RASEF: variants seen among roughly 807,000 people sequenced by gnomAD.
RASEF encodes the protein ras and EF-hand domain-containing protein.
A neutral mutation model predicts 90.1 loss-of-function variants in RASEF; 68 were observed. The observed-to-expected ratio is 0.75, with a 90% CI of 0.62 to 0.92. RASEF has a LOEUF of 0.92. Ranked by LOEUF, RASEF falls within the 40% of genes least tolerant of loss-of-function variation. The probability of loss-of-function intolerance (pLI) is 0.00; values close to 1 mark genes in which losing one functional copy is unlikely to be tolerated. For synonymous variants in RASEF, 331 were observed against 345.2 expected, an observed-to-expected ratio of 0.96 and a Z score of 0.46; for missense variants, 949 against 937.2, an observed-to-expected ratio of 1.01 and a Z score of -0.16.
the RASEF span, among the ~76,000 whole-genome samples, chr9:83,073,268 C>G: frequency 6.6e-6 from 1 of 152,100 alleles, no homozygotes; most frequent in Non-Finnish European, 1.5e-5. Context: ...ATAAACAATG[C>G]ATGGTAGAAT....
In RASEF at chr9:82,992,893, T is replaced by A. The variant is rs529346655; in HGVS notation, c.2040+13A>T. 4 of 1,613,108 alleles carry A rather than the reference T, an allele frequency of 2.5e-6. No individual in the cohort carries two copies. In the South Asian group the frequency reaches 4.4e-5, roughly 18 times the overall value. On this transcript the variant is annotated intron_variant, in intron 15 of 16. Transcript: ENST00000376447. ...CATGTTCTCTTCTAATTCTGAGGCA[T>A]CCTCACTCTTACCATGGCCAGTTTC...
At chr9:83,137,830 A>G in the RASEF span, among the ~76,000 whole-genome samples, 7 of 151,774 alleles carry the variant, frequency 4.6e-5, no homozygotes, top group Non-Finnish European at 8.8e-5. Context: ...GTAAATGCTC[A>G]GAGGCAGGAG....
At chr9:83,198,291 A>C in the RASEF span, among the ~76,000 whole-genome samples, 30 of 152,320 alleles carry the variant, frequency 2.0e-4, 1 homozygote, top group East Asian at 3.1e-3. Flanking sequence ...ACAACCTACC[A>C]TACAATTTAG....
the RASEF span, among the ~76,000 whole-genome samples, chr9:83,191,850 C>T: frequency 2.0e-5 from 3 of 152,130 alleles, no homozygotes; most frequent in East Asian, 5.8e-4. Context: ...TATACAGGAA[C>T]TTTCTGTAGT....
At chr9:82,998,190 C>T (rs111853143) in intron 13 of RASEF, among the ~76,000 whole-genome samples, 175 bp downstream of exon 13, 83 of 151,982 alleles carry the variant, frequency 5.5e-4, no homozygotes, top group African/African-American at 1.6e-3. Context: ...AGGAGATGTG[C>T]GAGAATATAA....
chr9:83,040,882 CAG>C (rs1303628006), intron 1 of RASEF, among the ~76,000 whole-genome samples: 1 of 152,134 alleles, frequency 6.6e-6, no homozygotes, highest in African/African-American at 2.4e-5. Context: ...TTTTTTGAGA[CAG>C]AGTTTCACTC....
At chr9:83,114,206 C>T in the RASEF span, among the ~76,000 whole-genome samples, 4 of 152,124 alleles carry the variant, frequency 2.6e-5, no homozygotes, top group Non-Finnish European at 4.4e-5. Flanking sequence ...TAATTTCTTA[C>T]GCCTGTCTTT....
At chr9:83,093,657 C>T in the RASEF span, among the ~76,000 whole-genome samples, 3 of 152,190 alleles carry the variant, frequency 2.0e-5, no homozygotes, top group Admixed American at 2.0e-4. Flanking sequence ...GCAAGGGCCG[C>T]ACGCAGCCCC....
rs1163531615 is a variant in RASEF, at chr9:82,981,471, A to G, written c.*1206T>C. ...ATTACTTAAGGAAGTTAATGTTAGC[A>G]ACCAGGGAGTTAGGGGACTTGCATT... On this transcript the variant is annotated 3_prime_UTR_variant, in exon 17 of 17. Transcript: ENST00000376447. 1.3e-5 allele frequency: 2 copies of G among 152,234 alleles called. No individual in the cohort carries two copies. Among genetic ancestry groups the G allele is most frequent in the African/African-American group, 4.8e-5 (2 of 41,464 alleles). 9.4% of individuals were successfully genotyped at this position (152,234 alleles called of 1,614,324 possible). A position where few individuals can be genotyped will look rare whatever the true frequency, so the allele number is the denominator to read the frequency against.
intron 9 of RASEF, among the ~76,000 whole-genome samples, chr9:83,003,611 C>T (rs1031378758): frequency 7.2e-5 from 11 of 152,126 alleles, no homozygotes; most frequent in Admixed American, 7.2e-4. Flanking sequence ...AATCAGTGAA[C>T]AGTAGAAACC....
intron 1 of RASEF, chr9:83,048,749 T>C: frequency 1.0e-6 from 1 of 984,148 alleles, no homozygotes; most frequent in African/African-American, 1.7e-5. Flanking sequence ...ATGAAACACT[T>C]ATGTTTTCCG....
the RASEF span, among the ~76,000 whole-genome samples, chr9:83,213,092 T>TAAAAA: frequency 7.2e-6 from 1 of 138,536 alleles, no homozygotes; most frequent in Non-Finnish European, 1.5e-5. Flanking sequence ...TGCACACGTT[T>TAAAAA]TAAAAAAAAA....
the RASEF span, among the ~76,000 whole-genome samples, chr9:83,114,739 C>T: frequency 6.6e-6 from 1 of 152,070 alleles, no homozygotes; most frequent in Admixed American, 6.6e-5. Context: ...AAAGAAATTC[C>T]CGCCTAATAA....
At chr9:83,041,652 G>A (rs1473146058) in intron 1 of RASEF, among the ~76,000 whole-genome samples, 1 of 152,152 alleles carries the variant, frequency 6.6e-6, no homozygotes, top group Non-Finnish European at 1.5e-5. Flanking sequence ...TCCTGAGACA[G>A]ACCCCACTGC....
chr9:83,026,489 G>A (rs1183689892), intron 1 of RASEF, among the ~76,000 whole-genome samples: 1 of 152,162 alleles, frequency 6.6e-6, no homozygotes, highest in East Asian at 1.9e-4. Context: ...AGAGAGAAGA[G>A]TGAGGAGTGA....
intron 1 of RASEF, among the ~76,000 whole-genome samples, chr9:83,040,546 T>G (rs1277432220): frequency 6.6e-6 from 1 of 152,168 alleles, no homozygotes; most frequent in Non-Finnish European, 1.5e-5. Flanking sequence ...TACTACAGAA[T>G]CATGAATACC....
intron 3 of RASEF, among the ~76,000 whole-genome samples, chr9:83,018,689 A>G (rs1587499341): frequency 2.6e-5 from 1 of 39,012 alleles, no homozygotes; most frequent in Non-Finnish European, 6.2e-5. Flanking sequence ...TTCAAGACTT[A>G]TTATAAACCA....
the RASEF span, among the ~76,000 whole-genome samples, chr9:83,198,974 G>GA: frequency 6.6e-6 from 1 of 152,118 alleles, no homozygotes; most frequent in Non-Finnish European, 1.5e-5. Flanking sequence ...AGGCTCATAC[G>GA]AGACATGACA....
the RASEF span, among the ~76,000 whole-genome samples, chr9:83,201,652 C>T: frequency 6.6e-6 from 1 of 152,116 alleles, no homozygotes; most frequent in Admixed American, 6.5e-5. Flanking sequence ...AAATTAGTTA[C>T]TTGCCTGGGA....
Sources: gnomAD v4.1 joint callset for allele counts (sites outside exome capture counted in the v4.1 genomes callset) on GRCh38, gnomAD v4.1.1 for gene constraint, MANE v1.5 for transcripts, NCBI Gene and HGNC (gene_info 2026-07-23, HGNC 2026-07-21) for gene names.